Variants in A1CF observed in about 807,000 individuals in gnomAD.
A1CF encodes the protein APOBEC-1 stimulating protein.
In A1CF, 48 loss-of-function variants were observed where a neutral mutation model predicts 68.9. The ratio of observed to expected loss-of-function variants is 0.70; its 90% CI spans 0.55 to 0.89. A1CF has a LOEUF of 0.89. Ranked by LOEUF, A1CF falls within the 40% of genes least tolerant of loss-of-function variation. The probability of loss-of-function intolerance (pLI) is 0.00; values close to 1 mark genes in which losing one functional copy is unlikely to be tolerated. For synonymous variants in A1CF, 272 were observed against 260.4 expected (o/e 1.04, Z -0.43); for missense variants, 653 against 718.9 (o/e 0.91, Z 1.05).
chr10:50,842,107 C>T, intron 4 of A1CF, 115 bp from the exon 5 acceptor site: 1 of 975,994 alleles, frequency 1.0e-6, no homozygotes. Flanking sequence ...CTGAAGTTTG[C>T]CTCCTGCCAG....
intron 3 of A1CF, among the ~76,000 whole-genome samples, chr10:50,851,602 T>C (rs574853492): frequency 2.0e-5 from 3 of 151,558 alleles, no homozygotes; most frequent in Admixed American, 6.5e-5. Flanking sequence ...AACTTCTACA[T>C]AGACACTGTC....
chr10:50,844,417 C>A (rs1004527596), intron 3 of A1CF, among the ~76,000 whole-genome samples: 9 of 151,986 alleles, frequency 5.9e-5, no homozygotes, highest in African/African-American at 1.9e-4. Context: ...AGAGATCTAT[C>A]TTCTTACCAC....
At chr10:50,873,930 G>A (rs185489887) in intron 1 of A1CF, among the ~76,000 whole-genome samples, 2 of 152,076 alleles carry the variant, frequency 1.3e-5, no homozygotes, top group African/African-American at 4.8e-5. Context: ...GAACAAGCAG[G>A]TATAAAATGA....
intron 6 of A1CF, among the ~76,000 whole-genome samples, chr10:50,832,563 T>A (rs1839299453): frequency 6.6e-6 from 1 of 152,168 alleles, no homozygotes; most frequent in Admixed American, 6.6e-5. Flanking sequence ...TCCACCAACA[T>A]CCTTGTGAAG....
chr10:50,822,661 C>G (rs780557751), intron 7 of A1CF: 1 of 152,242 alleles, frequency 6.6e-6, no homozygotes, highest in East Asian at 1.9e-4. Flanking sequence ...TCTGGCCAGG[C>G]TAAGGATAAA....
chr10:50,826,821 A>G (rs186769834), intron 7 of A1CF, among the ~76,000 whole-genome samples: 406 of 152,332 alleles, frequency 2.7e-3, no homozygotes, highest in Non-Finnish European at 4.6e-3. Context: ...TGCTCCAATT[A>G]AAAGACACAG....
At chr10:50,842,180 G>C (rs943491183) in intron 4 of A1CF, among the ~76,000 whole-genome samples, 188 bp from the exon 5 acceptor site, 1 of 152,208 alleles carries the variant, frequency 6.6e-6, no homozygotes, top group Non-Finnish European at 1.5e-5. Context: ...GTTCAGATCA[G>C]TTATCTGATT....
At chr10:50,851,428 A>G (rs890056390) in intron 3 of A1CF, among the ~76,000 whole-genome samples, 13 of 152,368 alleles carry the variant, frequency 8.5e-5, no homozygotes, top group African/African-American at 2.9e-4. Context: ...ATTGACATCT[A>G]TTCTGTTAAT....
At chr10:50,820,461 T>C in intron 8 of A1CF, 91 bp downstream of exon 8, 2 of 1,046,980 alleles carry the variant, frequency 1.9e-6, no homozygotes, top group Non-Finnish European at 2.8e-6. Context: ...AAGGCTGGAG[T>C]GAGACAGGCT....
chr10:50,882,325 A>G lies in A1CF; in HGVS notation c.-94+3256T>C, dbSNP rs377349536. Among the ~76,000 whole-genome samples, 4 of 152,052 alleles carry G rather than the reference A, an allele frequency of 2.6e-5. No homozygotes were observed. The East Asian group carries it at 7.7e-4, about 29-fold the overall frequency. ...GTGGCGTGTGCCTGTAATCCCAGCT[A>G]CTCGGGAGGCTGAGGCACAAGAATC... On this transcript the variant is annotated intron_variant, in intron 1 of 12. Coordinates refer to ENST00000373997, the MANE Select transcript of A1CF (RefSeq NM_014576.4).
chr10:50,873,829 A>G (rs910303471), intron 1 of A1CF, among the ~76,000 whole-genome samples: 2 of 152,190 alleles, frequency 1.3e-5, no homozygotes, highest in Admixed American at 1.3e-4. Context: ...GAAAAATTGC[A>G]CTGTAATGAA....
At chr10:50,854,364 C>T (rs890732736) in intron 3 of A1CF, among the ~76,000 whole-genome samples, 3 of 151,810 alleles carry the variant, frequency 2.0e-5, no homozygotes, top group Admixed American at 2.0e-4. Context: ...TCTTTGAAAT[C>T]ATAATTTTAT....
intron 6 of A1CF, among the ~76,000 whole-genome samples, chr10:50,829,591 C>G (rs925458054): frequency 3.3e-5 from 5 of 152,078 alleles, no homozygotes; most frequent in South Asian, 2.1e-4. Flanking sequence ...GATAACTGAC[C>G]CTGGAGAAGC....
chr10:50,809,955 G>A lies in A1CF; in HGVS notation c.1548C>T (p.Ile516=). The A allele has an allele frequency of 6.2e-7, 1 of 1,614,054 alleles. No homozygotes were observed. Among genetic ancestry groups the A allele is most frequent in the Non-Finnish European group, 8.5e-7 (1 of 1,179,946 alleles). The change falls in exon 12 of 13, where the codon ATC becomes ATT. Residue 516 remains isoleucine (I), a synonymous_variant. Coordinates refer to ENST00000373997, the MANE Select transcript of A1CF (RefSeq NM_014576.4). ...TGGTGCCATCGCCTCCATCAGTGGGGATGCCCAGGGTCTGCAGGGTGTATT... is the reference window on the plus strand; with the variant it reads ...TGGTGCCATCGCCTCCATCAGTGGGAATGCCCAGGGTCTGCAGGGTGTATT... The part of the protein sequence containing the change: ...AAEYTLQTLG[I]PTDGGDGTMA...
chr10:50,801,825 C>G lies in A1CF; in HGVS notation c.*4904G>C, dbSNP rs757983800. 2.6e-5 allele frequency: 4 copies of G among 152,106 alleles called. No individual in the cohort carries two copies. Among genetic ancestry groups the G allele is most frequent in the Non-Finnish European group, 4.4e-5 (3 of 68,020 alleles). The allele number at this position is 152,106 out of a possible 1,614,324, so 9.4% of individuals were successfully genotyped here. A position where few individuals can be genotyped will look rare whatever the true frequency, so the allele number is the denominator to read the frequency against. ...TATTTTGGTTTTCAGGTTATTTTCC[C>G]TTTCTAAATTGGCTATGAATTTCAT... On this transcript the variant is annotated 3_prime_UTR_variant, in exon 13 of 13. Transcript: ENST00000373997.
At chr10:50,850,061 AT>A (rs1840170190) in intron 3 of A1CF, among the ~76,000 whole-genome samples, 1 of 152,176 alleles carries the variant, frequency 6.6e-6, no homozygotes, top group Non-Finnish European at 1.5e-5. Context: ...TATGGCAAAA[AT>A]CATGAAGAAA....
At chr10:50,811,633 T>C (rs555764608) in intron 10 of A1CF, among the ~76,000 whole-genome samples, 10 of 152,228 alleles carry the variant, frequency 6.6e-5, no homozygotes, top group Non-Finnish European at 1.5e-4. Flanking sequence ...AATCTCACAA[T>C]TTCATAAAAA....
At chr10:50,873,176 G>C (rs184695647) in intron 1 of A1CF, among the ~76,000 whole-genome samples, 9 of 151,938 alleles carry the variant, frequency 5.9e-5, no homozygotes, top group African/African-American at 1.7e-4. Flanking sequence ...GGCTGGTCTC[G>C]AACTCCTGAC....
rs1339314893 is a variant in A1CF at position 50,804,089 on chromosome 10, A to G, written c.*2640T>C. 1.3e-5 allele frequency: 2 copies of G among 152,170 alleles called. No homozygotes were observed. Among genetic ancestry groups the G allele is most frequent in the Admixed American group, 1.3e-4 (2 of 15,274 alleles). The allele number at this position is 152,170 out of a possible 1,614,324, so 9.4% of individuals were successfully genotyped here. ...ACTTTCTATGAAGGTATTTTAATGG[A>G]ATTCAAAGTATTCCCTAGATATTAC... On this transcript the variant is annotated 3_prime_UTR_variant, in exon 13 of 13. Transcript: ENST00000373997.
Sources: gnomAD v4.1 joint callset for allele counts (sites outside exome capture counted in the v4.1 genomes callset) on GRCh38, gnomAD v4.1.1 for gene constraint, MANE v1.5 for transcripts, NCBI Gene and HGNC (gene_info 2026-07-23, HGNC 2026-07-21) for gene names.